Variants in MAST4 observed in about 807,000 individuals in gnomAD.
The protein encoded by MAST4 is microtubule-associated serine/threonine-protein kinase 4.
A neutral mutation model predicts 162.7 loss-of-function variants in MAST4; 89 were observed. That is an observed-to-expected ratio of 0.55 (90% CI 0.46 to 0.65). The LOEUF is 0.65. MAST4 is among the 30% of genes least tolerant of loss of function. The pLI, the probability that MAST4 is intolerant of heterozygous loss-of-function variation, is 0.00. For missense variants in MAST4, 3,153 were observed against 3,374.0 expected (o/e 0.93, Z 1.62); for synonymous variants, 1,479 against 1,361.1 (o/e 1.09, Z -1.91).
chr5:66,912,625 T>C (rs1247735383), intron 4 of MAST4, among the ~76,000 whole-genome samples: 1 of 152,232 alleles, frequency 6.6e-6, no homozygotes, highest in Non-Finnish European at 1.5e-5. Flanking sequence ...ATAGATGTAG[T>C]TGAATTTGAT....
At chr5:66,810,941 A>C (rs1407866353) in intron 3 of MAST4, among the ~76,000 whole-genome samples, 1 of 152,230 alleles carries the variant, frequency 6.6e-6, no homozygotes, top group Non-Finnish European at 1.5e-5. Context: ...TAATGCTGCT[A>C]TCACTTTGCA....
chr5:66,709,111 A>C (rs937379188), intron 1 of MAST4, among the ~76,000 whole-genome samples: 1 of 152,188 alleles, frequency 6.6e-6, no homozygotes, highest in Non-Finnish European at 1.5e-5. Context: ...ATATTCAGTG[A>C]CATTAATTTT....
rs766732611 is a variant in MAST4, at chr5:67,135,371, C to T, written c.2392+683C>T. ...TAGGGTGTATCACTACCCTACCTGCCGATTTTATAAATTTCCCTGGAACAT... is the reference window on the plus strand; with the variant it reads ...TAGGGTGTATCACTACCCTACCTGCTGATTTTATAAATTTCCCTGGAACAT... On this transcript the variant is annotated intron_variant, in intron 18 of 28. Coordinates refer to ENST00000403625, the MANE Select transcript of MAST4 (RefSeq NM_001164664.2). Among the ~76,000 whole-genome samples the T allele has an allele frequency of 7.9e-5, 12 of 152,074 alleles. 1 individual carries two copies. In the South Asian group the frequency reaches 8.3e-4, roughly 11 times the overall value.
rs1181333322 is a variant in MAST4, at chr5:66,678,412, G to A, written c.364-81297G>A. Reference sequence around the variant, plus strand: ...ATTGCTGACCAATAAAAATTGCTAAGTAGATCCTCACACACACAAGTGTGT... The same window carrying A: ...ATTGCTGACCAATAAAAATTGCTAAATAGATCCTCACACACACAAGTGTGT... On this transcript the variant is annotated intron_variant, in intron 1 of 28. Coordinates refer to ENST00000403625, the MANE Select transcript of MAST4 (RefSeq NM_001164664.2). Among the ~76,000 whole-genome samples the A allele has an allele frequency of 2.6e-5, 4 of 152,090 alleles. No homozygotes were observed. The East Asian group carries it at 7.7e-4, about 29-fold the overall frequency.
chr5:66,711,861 A>C (rs1750518939), intron 1 of MAST4, among the ~76,000 whole-genome samples: 1 of 152,026 alleles, frequency 6.6e-6, no homozygotes, highest in Admixed American at 6.6e-5. Flanking sequence ...GATGCTTTGG[A>C]TTATATTCAG....
intron 4 of MAST4, among the ~76,000 whole-genome samples, chr5:66,923,957 C>T (rs1764711546): frequency 6.6e-6 from 1 of 152,186 alleles, no homozygotes; most frequent in Non-Finnish European, 1.5e-5. Context: ...TTTTAAAAAC[C>T]TGTCATAAAA....
intron 9 of MAST4, among the ~76,000 whole-genome samples, chr5:67,102,908 G>A (rs945647893): frequency 6.6e-6 from 1 of 152,138 alleles, no homozygotes; most frequent in Non-Finnish European, 1.5e-5. Flanking sequence ...ACTTTGAAAG[G>A]CCTCTAGACT....
chr5:67,087,954 G>A (rs954381391), intron 5 of MAST4, among the ~76,000 whole-genome samples: 2 of 152,138 alleles, frequency 1.3e-5, no homozygotes, highest in Non-Finnish European at 2.9e-5. Context: ...CCTAAGATGC[G>A]AAGGCAAAAT....
intron 3 of MAST4, among the ~76,000 whole-genome samples, chr5:66,875,255 G>A (rs1355881291): frequency 6.6e-6 from 1 of 152,092 alleles, no homozygotes; most frequent in African/African-American, 2.4e-5. Flanking sequence ...AATTATTCTG[G>A]GAGTATTTTA....
chr5:66,644,588 G>A (rs980804683), intron 1 of MAST4, among the ~76,000 whole-genome samples: 4 of 152,092 alleles, frequency 2.6e-5, no homozygotes, highest in Admixed American at 2.6e-4. Flanking sequence ...GGTATGGTTG[G>A]CCTCCAAAGG....
intron 2 of MAST4, among the ~76,000 whole-genome samples, chr5:66,786,735 A>T (rs1235655673): frequency 6.6e-6 from 1 of 152,334 alleles, no homozygotes; most frequent in Admixed American, 6.5e-5. Context: ...AAATAAGGAA[A>T]GGAAAAAATT....
chr5:66,644,664 A>G (rs1219719806), intron 1 of MAST4, among the ~76,000 whole-genome samples: 5 of 152,158 alleles, frequency 3.3e-5, no homozygotes, highest in East Asian at 3.9e-4. Context: ...CAGTCTCCCA[A>G]ATAGGGTTCT....
intron 1 of MAST4, among the ~76,000 whole-genome samples, chr5:66,739,217 T>C (rs115117692): frequency 2.0e-5 from 3 of 152,370 alleles, no homozygotes; most frequent in African/African-American, 4.8e-5. Context: ...TTCTCATTTT[T>C]AGTGAAATAT....
chr5:66,667,357 A>G (rs1747326799), intron 1 of MAST4, among the ~76,000 whole-genome samples: 2 of 152,204 alleles, frequency 1.3e-5, no homozygotes, highest in South Asian at 4.1e-4. Context: ...AGTAGGTTAT[A>G]CTTAATACAC....
intron 3 of MAST4, among the ~76,000 whole-genome samples, chr5:66,894,122 A>G (rs974623691): frequency 3.9e-5 from 6 of 152,216 alleles, no homozygotes; most frequent in Non-Finnish European, 4.4e-5. Flanking sequence ...TACCTCTGTA[A>G]TGACAGCCTA....
At chr5:66,649,690 C>A (rs1314218573) in intron 1 of MAST4, among the ~76,000 whole-genome samples, 2 of 152,160 alleles carry the variant, frequency 1.3e-5, no homozygotes, top group East Asian at 3.9e-4. Flanking sequence ...TTTGTTCTTT[C>A]TGCTGCCTCT....
chr5:67,155,022 G>C (rs1772315998), intron 26 of MAST4, among the ~76,000 whole-genome samples: 1 of 152,196 alleles, frequency 6.6e-6, no homozygotes, highest in Admixed American at 6.5e-5. Context: ...GGACTTTACG[G>C]AATGTCATGG....
chr5:66,870,157 A>T (rs891506597), intron 3 of MAST4, among the ~76,000 whole-genome samples: 1 of 152,166 alleles, frequency 6.6e-6, no homozygotes, highest in African/African-American at 2.4e-5. Context: ...CCACTCTTTT[A>T]CATAGGTTTA....
At chr5:67,094,875 CTTTGCATTAAG>C (rs1415238591) in intron 6 of MAST4, among the ~76,000 whole-genome samples, 4 of 152,176 alleles carry the variant, frequency 2.6e-5, no homozygotes, top group Non-Finnish European at 4.4e-5. Flanking sequence ...CAACTTTACT[CTTTGCATTAAG>C]TTCTATCACT....
Sources: gnomAD v4.1 joint callset for allele counts (sites outside exome capture counted in the v4.1 genomes callset) on GRCh38, gnomAD v4.1.1 for gene constraint, MANE v1.5 for transcripts, NCBI Gene and HGNC (gene_info 2026-07-23, HGNC 2026-07-21) for gene names.